BAHCC1: variants seen among roughly 807,000 people sequenced by gnomAD.
BAHCC1 encodes BAH and coiled-coil domain-containing protein 1.
A neutral mutation model predicts 88.2 loss-of-function variants in BAHCC1; 43 were observed. That is an observed-to-expected ratio of 0.49 (90% CI 0.38 to 0.63). The LOEUF (loss-of-function observed/expected upper bound fraction) is 0.63. Among genes scored for constraint, BAHCC1 ranks in the 20% least tolerant of loss-of-function variants. The pLI, the probability that BAHCC1 is intolerant of heterozygous loss-of-function variation, is 0.00. For missense variants in BAHCC1, 3,023 were observed against 1,654.8 expected, an observed-to-expected ratio of 1.83 and a Z score of -14.34; for synonymous variants, 1,510 against 745.5, an observed-to-expected ratio of 2.03 and a Z score of -16.71.
At chr17:81,452,876 A>G (rs1175376088) in intron 14 of BAHCC1, 25 bp downstream of exon 14, 2 of 719,426 alleles carry the variant, frequency 2.8e-6, no homozygotes, top group Admixed American at 2.1e-5. Flanking sequence ...CTGGCATGGC[A>G]GGGCGCGTGT....
intron 8 of BAHCC1, 44 bp from the exon 9 acceptor site, chr17:81,444,970 GT>G (rs2064495923): frequency 4.3e-6 from 3 of 703,546 alleles, no homozygotes; most frequent in Non-Finnish European, 7.8e-6. Flanking sequence ...CCCCGGAGCT[GT>G]CCCCTCCCCA....
intron 3 of BAHCC1, among the ~76,000 whole-genome samples, chr17:81,429,003 G>A (rs1410209734): frequency 6.6e-6 from 1 of 152,244 alleles, no homozygotes; most frequent in Non-Finnish European, 1.5e-5. Context: ...GCCTGAGCCG[G>A]AGGAGAGGAC....
Position 81,461,542 on chromosome 17 carries a change from G to C in BAHCC1, c.6879G>C (p.Ser2293=), listed in dbSNP as rs782772396. The C allele has an allele frequency of 4.1e-6, 3 of 725,106 alleles. No individual in the cohort carries two copies. The highest frequency in any genetic ancestry group is 7.7e-6 in the Non-Finnish European group (3 of 389,400). 44.9% of individuals were successfully genotyped at this position (725,106 alleles called of 1,614,324 possible). The change falls in exon 26 of 28, where the codon TCG becomes TCC. Residue 2293 remains serine (S), a synonymous_variant. Coordinates refer to ENST00000675386, the MANE Select transcript of BAHCC1 (RefSeq NM_001377448.1). ...ACAGCGACTGCCACAGCTCCTTCTC[G>C]GACGAGGACGAGGACGGGCCGGGGC... ...PYDSDCHSSF[S]DEDEDGPGLA... is the part of the protein sequence containing the mutation.
chr17:81,416,570 CGTGTGTGTGTGTCCGTG>C (rs2064033799), intron 2 of BAHCC1, among the ~76,000 whole-genome samples: 1 of 133,684 alleles, frequency 7.5e-6, no homozygotes, highest in Non-Finnish European at 1.6e-5. Flanking sequence ...GGTGTATGTG[CGTGTGTGTGTGTCCGTG>C]AGGATGGTGT....
chr17:81,422,880 G>C (rs1555649768), intron 2 of BAHCC1: 1 of 339,348 alleles, frequency 2.9e-6, no homozygotes, highest in East Asian at 1.3e-4. Context: ...GCCTGGGCGA[G>C]GCAGCGGCAA....
Position 81,459,346 on chromosome 17 carries a change from C to G in BAHCC1, c.5796+18C>G, listed in dbSNP as rs782138016. ...AGGAAGCGGTGAGGACCGGGCCGGC[C>G]CGCCCCGGGGAGGGGCCTGGCTGGC... On this transcript the variant is annotated intron_variant, in intron 22 of 27. Transcript: ENST00000675386. 18 of 775,278 alleles carry G rather than the reference C, an allele frequency of 2.3e-5. No homozygotes were observed. Among genetic ancestry groups the G allele is most frequent in the Non-Finnish European group, 4.3e-5 (18 of 415,876 alleles). The allele number at this position is 775,278 out of a possible 1,614,324, so 48.0% of individuals were successfully genotyped here.
At position 81,447,309 on chromosome 17, in the gene BAHCC1, C is replaced by T. The variant is rs537847945; in HGVS notation, c.3437C>T (p.Ala1146Val). ...GAGCGGGGACCCCAGGGGAAGGCAG[C>T]GGACCCCAGCCCACTAGAGGGGCTA... ...PTERGPQGKA[A>V]DPSPLEGLQE... Residue 1146 changes from alanine to valine, a missense_variant, in exon 11 of 28, where the codon GCG becomes GTG. Transcript: ENST00000675386. 1.8e-5 allele frequency: 13 copies of T among 739,540 alleles called. No individual in the cohort carries two copies. Among genetic ancestry groups the T allele is most frequent in the African/African-American group, 1.2e-4 (7 of 58,018 alleles). The allele number at this position is 739,540 out of a possible 1,614,324, so 45.8% of individuals were successfully genotyped here.
At chr17:81,428,240 C>T (rs1462743040) in intron 3 of BAHCC1, among the ~76,000 whole-genome samples, 2 of 152,206 alleles carry the variant, frequency 1.3e-5, no homozygotes, top group African/African-American at 2.4e-5. Context: ...GTGGGGGCCC[C>T]GCCTTCCTGG....
At chr17:81,408,418 A>AC (rs1158958983) in intron 2 of BAHCC1, among the ~76,000 whole-genome samples, 46 of 42,432 alleles carry the variant, frequency 1.1e-3, no homozygotes, top group African/African-American at 3.6e-3. Context: ...CCCACCCTGC[A>AC]CCCCCACCTC....
At chr17:81,418,774 T>C (rs1053615297) in intron 2 of BAHCC1, among the ~76,000 whole-genome samples, 6 of 84,640 alleles carry the variant, frequency 7.1e-5, no homozygotes, top group Non-Finnish European at 1.3e-4. Flanking sequence ...TACGTGTGTG[T>C]ACGTGTGTGT....
intron 3 of BAHCC1, among the ~76,000 whole-genome samples, chr17:81,433,798 T>C (rs1213437918): frequency 1.3e-5 from 2 of 152,146 alleles, no homozygotes; most frequent in South Asian, 2.1e-4. Flanking sequence ...TACAGCACTT[T>C]GTGTGCCGCA....
intron 2 of BAHCC1, chr17:81,403,042 T>G (rs1414299770): frequency 6.6e-6 from 1 of 152,162 alleles, no homozygotes; most frequent in Non-Finnish European, 1.5e-5. Context: ...AGCTGTGAAA[T>G]CTAGGGGGGA....
Position 81,427,211 on chromosome 17 carries a change from G to A in BAHCC1, c.358+232G>A, listed in dbSNP as rs950211338. ...CGGCAGTGGTCCTGGCCAGATGTGTGCTCCAGATGGGCAGCAAGGGGAAAC... is the reference window on the plus strand; with the variant it reads ...CGGCAGTGGTCCTGGCCAGATGTGTACTCCAGATGGGCAGCAAGGGGAAAC... On this transcript the variant is annotated intron_variant, in intron 3 of 27. Transcript: ENST00000675386. Among the ~76,000 whole-genome samples, 3 of 152,252 alleles carry A rather than the reference G, an allele frequency of 2.0e-5. No individual in the cohort carries two copies. The East Asian group carries it at 5.8e-4, about 29-fold the overall frequency.
chr17:81,418,797 G>GTGTGTGTGTGTGCGCGCA (rs1555649130), intron 2 of BAHCC1, among the ~76,000 whole-genome samples: 4,692 of 18,884 alleles, frequency 0.25, 224 homozygotes, highest in East Asian at 0.47. Context: ...ACGTGTGTGC[G>GTGTGTGTGTGTGCGCGCA]TGTGTGTGTG....
In BAHCC1 at chr17:81,399,126, T is replaced by TGA. The variant is rs781886456; in HGVS notation, c.-206-406_-206-405dup. On this transcript the variant is annotated intron_variant, in intron 1 of 27. Transcript: ENST00000675386. This position sits in a 1 kb window ranked among gnomAD's most constrained non-coding sequence, Gnocchi z 4.5. ...CGGGGGAGGGGAGAGGGTGTGCGTG[T>TGA]GAGTGTGTGTGTGTGTGTGTGTGTG... is the stretch of plus-strand genomic sequence containing the variant. 86 of 195,508 alleles carry TGA rather than the reference T, an allele frequency of 4.4e-4. No homozygotes were observed. Among genetic ancestry groups the TGA allele is most frequent in the Non-Finnish European group, 5.4e-4 (51 of 93,794 alleles). 12.1% of individuals were successfully genotyped at this position (195,508 alleles called of 1,614,324 possible).
At chr17:81,443,752 C>T (rs781933829) in intron 5 of BAHCC1, 57 bp from the exon 6 acceptor site, 6 of 699,536 alleles carry the variant, frequency 8.6e-6, no homozygotes, top group Non-Finnish European at 1.6e-5. Context: ...CTTGCCTTAG[C>T]TGGTGGCTCC....
At chr17:81,402,785 A>G (rs1256149222) in intron 2 of BAHCC1, 1 of 152,000 alleles carries the variant, frequency 6.6e-6, no homozygotes, top group African/African-American at 2.4e-5. Context: ...CCTTTCCCCA[A>G]CCCCACCCAA....
chr17:81,399,343 C>T lies in BAHCC1; in HGVS notation c.-206-191C>T, dbSNP rs1190282471. ...GACGGTGCGTGCGCGCGCGGGGCCC[C>T]GGGTGCTGGGCTGCGCGCGCGTGCG... is the stretch of plus-strand genomic sequence containing the variant. On this transcript the variant is annotated intron_variant, in intron 1 of 27. Transcript: ENST00000675386. This position sits in a 1 kb window ranked among gnomAD's most constrained non-coding sequence, Gnocchi z 4.5. The T allele has an allele frequency of 9.5e-5, 17 of 178,274 alleles. No homozygotes were observed. The highest frequency in any genetic ancestry group is 2.0e-4 in the East Asian group (1 of 4,966). 11.0% of individuals were successfully genotyped at this position (178,274 alleles called of 1,614,324 possible).
intron 2 of BAHCC1, among the ~76,000 whole-genome samples, chr17:81,419,332 C>A (rs782704660): frequency 6.6e-6 from 1 of 152,266 alleles, no homozygotes; most frequent in South Asian, 2.1e-4. Context: ...GCAGGCTGCA[C>A]CTCCCCTCTG....
Sources: gnomAD v4.1 joint callset for allele counts (sites outside exome capture counted in the v4.1 genomes callset) on GRCh38, gnomAD v4.1.1 for gene constraint, Gnocchi (gnomAD v3.1) non-coding constraint, MANE v1.5 for transcripts, NCBI Gene and HGNC (gene_info 2026-07-23, HGNC 2026-07-21) for gene names.